Variants in UBE2E2 observed in about 807,000 individuals in gnomAD.
UBE2E2 encodes the protein ubiquitin-conjugating enzyme E2 E2.
In UBE2E2, 6 loss-of-function variants were observed where a neutral mutation model predicts 24.7. That is an observed-to-expected ratio of 0.24 (90% confidence interval 0.13 to 0.48). The LOEUF (loss-of-function observed/expected upper bound fraction) is 0.48, where lower values mean the gene tolerates loss of function less well. Among genes scored for constraint, UBE2E2 ranks in the 20% least tolerant of loss-of-function variants. The pLI, the probability that UBE2E2 is intolerant of heterozygous loss-of-function variation, is 0.99. For synonymous variants in UBE2E2, 104 were observed against 83.6 expected, an observed-to-expected ratio of 1.24 and a Z score of -1.33; for missense variants, 169 against 245.0, an observed-to-expected ratio of 0.69 and a Z score of 2.07.
At position 23,407,806 on chromosome 3, in the gene UBE2E2, G is replaced by A. The variant is rs1575610176; in HGVS notation, c.228-91802G>A. On this transcript the variant is annotated intron_variant, in intron 3 of 5. Transcript: ENST00000396703. The surrounding 1 kb of genome is among the most constrained non-coding windows in gnomAD (Gnocchi z 4.0). ...CCTCTGCCTCTGCTTACCCTTCTGG[G>A]AAATAGTTACCAATAATATAGGAAA... Among the ~76,000 whole-genome samples, 1 of 151,986 alleles carries A rather than the reference G, an allele frequency of 6.6e-6. No individual in the cohort carries two copies. The highest frequency in any genetic ancestry group is 1.5e-5 in the Non-Finnish European group (1 of 68,014).
intron 3 of UBE2E2, among the ~76,000 whole-genome samples, chr3:23,408,479 A>C (rs1697421257): frequency 6.6e-6 from 1 of 152,210 alleles, no homozygotes; most frequent in South Asian, 2.1e-4. Context: ...GTAGAGAATG[A>C]GGAATTAGCT....
In UBE2E2 at chr3:23,493,890, C is replaced by T. The variant is rs557350546; in HGVS notation, c.228-5718C>T. On this transcript the variant is annotated intron_variant, in intron 3 of 5. Transcript: ENST00000396703. ...ATCATCTGCAGCGTGTAACAGCAAG[C>T]ACAACAGCAACTGACATTTGGAGGG... Among the ~76,000 whole-genome samples, 3 of 152,262 alleles carry T rather than the reference C, an allele frequency of 2.0e-5. No individual in the cohort carries two copies. The South Asian group carries it at 6.2e-4, about 32-fold the overall frequency.
At chr3:23,430,113 A>G (rs1406007744) in intron 3 of UBE2E2, among the ~76,000 whole-genome samples, 1 of 152,188 alleles carries the variant, frequency 6.6e-6, no homozygotes, top group Non-Finnish European at 1.5e-5. Flanking sequence ...AGGTTTTGAG[A>G]TTCAGACCCC....
intron 4 of UBE2E2, among the ~76,000 whole-genome samples, chr3:23,509,041 A>G (rs1694524373): frequency 6.6e-6 from 1 of 152,190 alleles, no homozygotes; most frequent in South Asian, 2.1e-4. Flanking sequence ...TCCTCCAGGT[A>G]CAGTCTTCAG....
chr3:23,258,788 G>A (rs935860130), intron 3 of UBE2E2, among the ~76,000 whole-genome samples: 7 of 151,196 alleles, frequency 4.6e-5, no homozygotes, highest in Non-Finnish European at 1.0e-4. Context: ...AGCTACTCGG[G>A]AGGCTGAGGC....
chr3:23,348,613 G>A (rs1322262162), intron 3 of UBE2E2, among the ~76,000 whole-genome samples: 1 of 152,170 alleles, frequency 6.6e-6, no homozygotes, highest in African/African-American at 2.4e-5. Context: ...CCAAGGACTG[G>A]TCAGTCCATC....
At chr3:23,332,524 A>G (rs2125302419) in intron 3 of UBE2E2, among the ~76,000 whole-genome samples, 1 of 152,362 alleles carries the variant, frequency 6.6e-6, no homozygotes, top group South Asian at 2.1e-4. Flanking sequence ...TGACTTTAAA[A>G]TTTAAAAACT....
chr3:23,409,988 C>T (rs547821242), intron 3 of UBE2E2, among the ~76,000 whole-genome samples: 1 of 152,266 alleles, frequency 6.6e-6, no homozygotes, highest in South Asian at 2.1e-4. Flanking sequence ...ACTGTGACCT[C>T]ATCTTAATTA....
chr3:23,476,192 A>G (rs144291524), intron 3 of UBE2E2, among the ~76,000 whole-genome samples: 1 of 152,124 alleles, frequency 6.6e-6, no homozygotes, highest in African/African-American at 2.4e-5. Context: ...TATCTACCAA[A>G]CAGTAGGATT....
intron 3 of UBE2E2, among the ~76,000 whole-genome samples, chr3:23,230,895 C>A (rs1696958363): frequency 1.3e-5 from 2 of 151,666 alleles, no homozygotes; most frequent in Non-Finnish European, 2.9e-5. Flanking sequence ...CTTTATTAAG[C>A]TTATTCTGTG....
intron 3 of UBE2E2, among the ~76,000 whole-genome samples, chr3:23,335,803 G>C (rs1695190625): frequency 6.6e-6 from 1 of 152,052 alleles, no homozygotes; most frequent in African/African-American, 2.4e-5. Flanking sequence ...CAAAGTGCTG[G>C]GATTACAGGT....
intron 3 of UBE2E2, among the ~76,000 whole-genome samples, chr3:23,287,329 A>G (rs547413636): frequency 6.6e-6 from 1 of 152,240 alleles, no homozygotes; most frequent in Admixed American, 6.5e-5. Context: ...GTTCGCTAGT[A>G]TTTTGTTGAA....
chr3:23,317,196 C>T (rs1694606266), intron 3 of UBE2E2, among the ~76,000 whole-genome samples: 1 of 152,180 alleles, frequency 6.6e-6, no homozygotes, highest in African/African-American at 2.4e-5. Context: ...AATTGTTGTC[C>T]TTGTGGCCTA....
rs770984995 is a variant in UBE2E2 at position 23,224,961 on chromosome 3, C to CT, written c.227+7662dup. On this transcript the variant is annotated intron_variant, in intron 3 of 5. Transcript: ENST00000396703. ...AACTTTGGCAGCACTTGATGTTGTC[C>CT]TTTTTTTTTTTTTAATGATAGCTAT... 3.4e-3 allele frequency among the ~76,000 whole-genome samples: 450 copies of CT among 133,896 alleles called. 2 individuals carry two copies. The highest frequency in any genetic ancestry group is 0.012 in the Middle Eastern group (3 of 258). The allele number at this position is 133,896 out of a possible 152,430, so 87.8% of individuals were successfully genotyped here.
chr3:23,491,874 A>T (rs1699504388), intron 3 of UBE2E2, among the ~76,000 whole-genome samples: 1 of 152,224 alleles, frequency 6.6e-6, no homozygotes, highest in Non-Finnish European at 1.5e-5. Context: ...ATGAGAGCTG[A>T]TGCGGCCAAT....
Position 23,407,647 on chromosome 3 carries a change from A to ATGTGTGTG in UBE2E2, c.228-91925_228-91918dup, listed in dbSNP as rs71974866. Among the ~76,000 whole-genome samples, 33 of 138,116 alleles carry ATGTGTGTG rather than the reference A, an allele frequency of 2.4e-4. No individual in the cohort carries two copies. Among genetic ancestry groups the ATGTGTGTG allele is most frequent in the Admixed American group, 1.8e-3 (24 of 13,446 alleles). The allele number at this position is 138,116 out of a possible 152,430, so 90.6% of individuals were successfully genotyped here. A position where few individuals can be genotyped will look rare whatever the true frequency, so the allele number is the denominator to read the frequency against. On this transcript the variant is annotated intron_variant, in intron 3 of 5. Transcript: ENST00000396703. The surrounding 1 kb of genome is among the most constrained non-coding windows in gnomAD (Gnocchi z 4.0). Reference sequence around the variant, plus strand: ...TGTGTGTTTGTGTGTGCATGCGTGCATGTGTGTGTGTGTGTGTGTGTGTGT... The same window carrying ATGTGTGTG: ...TGTGTGTTTGTGTGTGCATGCGTGCATGTGTGTGTGTGTGTGTGTGTGTGTGTGTGTGT...
intron 3 of UBE2E2, among the ~76,000 whole-genome samples, chr3:23,241,196 A>T (rs62255292): frequency 9.2e-5 from 14 of 151,976 alleles, no homozygotes; most frequent in Non-Finnish European, 1.3e-4. Flanking sequence ...TCTGTCATCA[A>T]ATCGTTTTTG....
chr3:23,394,308 C>T (rs538152740), intron 3 of UBE2E2, among the ~76,000 whole-genome samples: 22 of 152,194 alleles, frequency 1.4e-4, no homozygotes, highest in African/African-American at 5.3e-4. Flanking sequence ...GTTTTATCAA[C>T]AGTGTTGAAA....
chr3:23,493,598 G>T (rs945673507), intron 3 of UBE2E2, among the ~76,000 whole-genome samples: 1 of 152,170 alleles, frequency 6.6e-6, no homozygotes, highest in Non-Finnish European at 1.5e-5. Context: ...AATGTTGCAA[G>T]TGGGAAAACA....
Sources: allele counts gnomAD v4.1 joint callset (sites outside exome capture counted in the v4.1 genomes callset), GRCh38; gene constraint gnomAD v4.1.1; non-coding constraint Gnocchi (gnomAD v3.1); transcripts MANE v1.5; gene names NCBI Gene and HGNC (gene_info 2026-07-23, HGNC 2026-07-21).